Variants in THADA observed in about 807,000 individuals in gnomAD.
THADA encodes the protein THADA armadillo repeat containing.
Under a neutral mutation model 219.8 loss-of-function variants are expected in THADA, and 213 were observed. The observed-to-expected ratio is 0.97, with a 90% CI of 0.87 to 1.09. THADA has a LOEUF of 1.09. Among genes scored for constraint, THADA ranks in the 50% least tolerant of loss-of-function variants. The probability of loss-of-function intolerance (pLI) is 0.00; values close to 1 mark genes in which losing one functional copy is unlikely to be tolerated. For missense variants in THADA, 2,956 were observed against 2,311.3 expected (o/e 1.28, Z -5.72); for synonymous variants, 1,018 against 828.9 (o/e 1.23, Z -3.92).
chr2:43,329,264 T>C (rs540407743), intron 30 of THADA, among the ~76,000 whole-genome samples: 43 of 152,340 alleles, frequency 2.8e-4, no homozygotes, highest in African/African-American at 1.0e-3. Context: ...GGAAGATATA[T>C]AGCTTCAAAT....
chr2:43,427,642 A>G (rs1678635732), intron 28 of THADA, among the ~76,000 whole-genome samples: 2 of 147,812 alleles, frequency 1.4e-5, no homozygotes, highest in Admixed American at 6.8e-5. Context: ...AATATATACA[A>G]TAGGTTTACA....
chr2:43,258,186 G>C (rs918118664), intron 36 of THADA, among the ~76,000 whole-genome samples: 1 of 152,142 alleles, frequency 6.6e-6, no homozygotes, highest in Admixed American at 6.5e-5. Context: ...TTTAGTGTAA[G>C]TATTCCCAAA....
intron 31 of THADA, among the ~76,000 whole-genome samples, chr2:43,313,981 T>A (rs773581372): frequency 2.6e-5 from 4 of 152,258 alleles, no homozygotes; most frequent in Non-Finnish European, 5.9e-5. Flanking sequence ...AGTACTTTCT[T>A]CATTAATGCA....
At chr2:43,251,291 A>G (rs577199068) in intron 36 of THADA, among the ~76,000 whole-genome samples, 9 of 152,322 alleles carry the variant, frequency 5.9e-5, no homozygotes, top group Non-Finnish European at 1.3e-4. Flanking sequence ...TCTGGTTTCC[A>G]TTTCACTGCC....
intron 29 of THADA, among the ~76,000 whole-genome samples, chr2:43,355,143 G>A (rs1169894294): frequency 1.3e-5 from 2 of 152,096 alleles, no homozygotes; most frequent in South Asian, 2.1e-4. Context: ...TGGACACTTA[G>A]GCCTTAGGTT....
At chr2:43,577,899 A>G (rs1023050127) in intron 9 of THADA, among the ~76,000 whole-genome samples, 6 of 152,176 alleles carry the variant, frequency 3.9e-5, no homozygotes, top group Non-Finnish European at 7.3e-5. Context: ...CATTAAAAAT[A>G]TCTTTTAAGA....
chr2:43,551,656 A>AAAT (rs577593422), intron 19 of THADA, 133 bp downstream of exon 19: 520 of 808,918 alleles, frequency 6.4e-4, no homozygotes, highest in Non-Finnish European at 8.5e-4. Flanking sequence ...GAAATACCAC[A>AAAT]AATAATAATA....
At chr2:43,294,374 A>G (rs115383258) in intron 31 of THADA, among the ~76,000 whole-genome samples, 1,701 of 152,340 alleles carry the variant, frequency 0.011, 20 homozygotes, top group Admixed American at 0.017. Flanking sequence ...CTCAAAGAGG[A>G]AGACAGGTGA....
intron 25 of THADA, among the ~76,000 whole-genome samples, chr2:43,487,733 T>C: frequency 6.6e-6 from 1 of 152,194 alleles, no homozygotes; most frequent in South Asian, 2.1e-4. Context: ...GCCTCACTTC[T>C]ACCATGTGAG....
intron 26 of THADA, 117 bp from the exon 27 acceptor site, chr2:43,430,419 G>A: frequency 1.7e-6 from 1 of 585,558 alleles, no homozygotes; most frequent in South Asian, 2.4e-5. Context: ...ATTAAATACA[G>A]TTAAAAACAG....
chr2:43,547,345 C>G (rs1297622148), intron 20 of THADA, among the ~76,000 whole-genome samples: 1 of 152,180 alleles, frequency 6.6e-6, no homozygotes, highest in Non-Finnish European at 1.5e-5. Flanking sequence ...AATTATCTGT[C>G]TTGGAGTTGC....
At chr2:43,359,249 C>T (rs1002335145) in intron 29 of THADA, among the ~76,000 whole-genome samples, 1 of 152,196 alleles carries the variant, frequency 6.6e-6, no homozygotes, top group Non-Finnish European at 1.5e-5. Context: ...TGCAGTAAGG[C>T]CTCTCCAAAT....
Position 43,279,758 on chromosome 2 carries a change from G to A in THADA, c.5296+7C>T, listed in dbSNP as rs1159602519. The A allele has an allele frequency of 8.4e-6, 13 of 1,547,040 alleles. No individual in the cohort carries two copies. Among genetic ancestry groups the A allele is most frequent in the African/African-American group, 8.2e-5 (6 of 72,756 alleles). ...TAAGACAATGCAAAAGGATAAGAAC[G>A]AGGTACCTGTTGACTGGCAGGTATT... On this transcript the variant is annotated splice_region_variant and intron_variant, in intron 36 of 37. Coordinates refer to ENST00000405975, the MANE Select transcript of THADA (RefSeq NM_022065.5).
At chr2:43,579,043 G>A (rs1306866927) in intron 8 of THADA, among the ~76,000 whole-genome samples, 1 of 152,132 alleles carries the variant, frequency 6.6e-6, no homozygotes, top group Non-Finnish European at 1.5e-5. Flanking sequence ...CGTTGGCCAT[G>A]ATGGTCTCGA....
chr2:43,591,670 A>C (rs1317493271), intron 3 of THADA, among the ~76,000 whole-genome samples: 1 of 152,198 alleles, frequency 6.6e-6, no homozygotes, highest in Non-Finnish European at 1.5e-5. Flanking sequence ...AAAAGTTTTG[A>C]AGATTCATAT....
At chr2:43,368,443 C>T (rs1670419960) in intron 29 of THADA, among the ~76,000 whole-genome samples, 1 of 152,146 alleles carries the variant, frequency 6.6e-6, no homozygotes, top group Non-Finnish European at 1.5e-5. Context: ...GTCGCCCGGG[C>T]TGGAGTGCAG....
intron 36 of THADA, among the ~76,000 whole-genome samples, chr2:43,249,549 T>A (rs1669603019): frequency 6.6e-6 from 1 of 152,190 alleles, no homozygotes; most frequent in African/African-American, 2.4e-5. Flanking sequence ...ATGTCCTACA[T>A]CCTTAACATT....
chr2:43,240,914 G>A (rs1668552451), intron 36 of THADA, among the ~76,000 whole-genome samples: 1 of 152,162 alleles, frequency 6.6e-6, no homozygotes, highest in Admixed American at 6.5e-5. Flanking sequence ...AGCATGCACT[G>A]GGCCAAGTGC....
chr2:43,415,632 C>A (rs1305043594), intron 28 of THADA, among the ~76,000 whole-genome samples: 1 of 152,102 alleles, frequency 6.6e-6, no homozygotes, highest in Non-Finnish European at 1.5e-5. Flanking sequence ...TGGCCAATTA[C>A]AAAATCTAGA....
Sources: gnomAD v4.1 joint callset for allele counts (sites outside exome capture counted in the v4.1 genomes callset) on GRCh38, gnomAD v4.1.1 for gene constraint, MANE v1.5 for transcripts, NCBI Gene and HGNC (gene_info 2026-07-23, HGNC 2026-07-21) for gene names.